The following GRM4 variants were observed in gnomAD, a reference collection of about 807,000 sequenced individuals.
The protein encoded by GRM4 is glutamate metabotropic receptor 4, also known as metabotropic glutamate receptor 4.
GRM4 carries 28 observed loss-of-function variants against 81.7 expected under a neutral mutation model. The observed-to-expected ratio is 0.34, with a 90% confidence interval of 0.25 to 0.47. The LOEUF (loss-of-function observed/expected upper bound fraction) is 0.47. Among genes scored for constraint, GRM4 ranks in the 20% least tolerant of loss-of-function variants. The pLI is 1.00. For missense variants in GRM4, 948 were observed against 1,290.0 expected, an observed-to-expected ratio of 0.73 and a Z score of 4.06; for synonymous variants, 488 against 528.8, an observed-to-expected ratio of 0.92 and a Z score of 1.06.
chr6:34,045,993 G>A (rs1265330947), intron 6 of GRM4, among the ~76,000 whole-genome samples: 3 of 152,182 alleles, frequency 2.0e-5, no homozygotes, highest in Admixed American at 2.0e-4. Flanking sequence ...TTACTACGGC[G>A]ACTGCAGCCT....
In GRM4 at chr6:34,040,561, G is replaced by C; in HGVS notation, c.1356C>G (p.Asn452Lys). 1 of 1,613,206 alleles carries C rather than the reference G, an allele frequency of 6.2e-7. No individual in the cohort carries two copies. The highest frequency in any genetic ancestry group is 8.5e-7 in the Non-Finnish European group (1 of 1,179,526). ...DGTQLLKYIRNVNFSGIAGNP... is the reference protein window; with the variant it reads ...DGTQLLKYIRKVNFSGIAGNP... ...CCACACCCCCACCTGAGAAGTTGAC[G>C]TTTCGGATGTACTTAAGCAGCTGGG... The change falls in exon 7 of 11, where the codon AAC becomes AAG. Residue 452 changes from asparagine (N) to lysine (K), a missense_variant. Coordinates refer to ENST00000538487, the MANE Select transcript of GRM4 (RefSeq NM_000841.4).
intron 3 of GRM4, among the ~76,000 whole-genome samples, chr6:34,084,077 G>T (rs774601817): frequency 3.9e-4 from 59 of 152,198 alleles, no homozygotes; most frequent in Non-Finnish European, 3.1e-4. Flanking sequence ...TTCAGGATGG[G>T]TCCAAATTGT....
At chr6:34,098,106 G>A (rs892795672) in intron 2 of GRM4, among the ~76,000 whole-genome samples, 3 of 152,168 alleles carry the variant, frequency 2.0e-5, no homozygotes, top group Admixed American at 6.5e-5. Context: ...TTTCTTCCCC[G>A]TAAAGTCGTC....
At chr6:34,025,491 G>A (rs1027419111) in intron 10 of GRM4, among the ~76,000 whole-genome samples, 26 of 152,290 alleles carry the variant, frequency 1.7e-4, no homozygotes, top group African/African-American at 6.0e-4. Flanking sequence ...TAGAGAAAGT[G>A]TAGAGAGGAA....
chr6:34,029,510 G>A (rs147223109), intron 9 of GRM4, among the ~76,000 whole-genome samples: 1,700 of 152,266 alleles, frequency 0.011, 16 homozygotes, highest in East Asian at 0.026. Flanking sequence ...CCGCTCCATA[G>A]ATGCCTCATG....
At chr6:34,026,098 C>T (rs1054720126) in intron 10 of GRM4, among the ~76,000 whole-genome samples, 19 of 152,162 alleles carry the variant, frequency 1.2e-4, no homozygotes, top group African/African-American at 4.6e-4. Flanking sequence ...CTGACAGTCC[C>T]CGTTTGTCAC....
intron 2 of GRM4, among the ~76,000 whole-genome samples, chr6:34,095,477 TCA>T (rs1768471018): frequency 6.6e-6 from 1 of 152,256 alleles, no homozygotes; most frequent in African/African-American, 2.4e-5. Flanking sequence ...CTCCCCGGCC[TCA>T]GTTTCTTCAG....
chr6:34,143,220 G>C (rs749993064), intron 1 of GRM4, among the ~76,000 whole-genome samples: 14 of 152,086 alleles, frequency 9.2e-5, no homozygotes, highest in Admixed American at 3.3e-4. Flanking sequence ...TAAAGACAGC[G>C]GCCACCCAAT....
Position 34,115,365 on chromosome 6 carries a change from G to A in GRM4, c.519+17613C>T, listed in dbSNP as rs143497360. On this transcript the variant is annotated intron_variant, in intron 2 of 10. Transcript: ENST00000538487. The surrounding 1 kb of genome is among the most constrained non-coding windows in gnomAD (Gnocchi z 4.1). ...TGTTAGCGCAGTAGAGAGAGCAACC[G>A]TGTCTCCAGGCTTCAATTAAAATAT... 3.2e-4 allele frequency among the ~76,000 whole-genome samples: 48 copies of A among 152,332 alleles called. No homozygotes were observed. Among genetic ancestry groups the A allele is most frequent in the African/African-American group, 1.0e-3 (42 of 41,570 alleles).
Position 34,135,987 on chromosome 6 carries a change from AG to A in GRM4, c.-363-2129del, listed in dbSNP as rs1156694123. ...GTCGGCTACTAGCCCGTGTGCAGGC[AG>A]GGGGCAGAGATGCTAACTGGCCAGC... On this transcript the variant is annotated intron_variant, in intron 1 of 10. Transcript: ENST00000538487. 7.2e-5 allele frequency among the ~76,000 whole-genome samples: 11 copies of A among 152,304 alleles called. No individual in the cohort carries two copies. In the East Asian group the frequency reaches 2.1e-3, roughly 29 times the overall value.
At chr6:34,082,433 A>G (rs1284644592) in intron 3 of GRM4, among the ~76,000 whole-genome samples, 1 of 152,186 alleles carries the variant, frequency 6.6e-6, no homozygotes, top group Non-Finnish European at 1.5e-5. Flanking sequence ...AAAGTGAGAC[A>G]GGAAAGCCAC....
rs1766671269 is a variant in GRM4, at chr6:34,069,368, C to T, written c.737-7340G>A. On this transcript the variant is annotated intron_variant, in intron 3 of 10. Coordinates refer to ENST00000538487, the MANE Select transcript of GRM4 (RefSeq NM_000841.4). This position sits in a 1 kb window ranked among gnomAD's most constrained non-coding sequence, Gnocchi z 6.4. ...GAAGCCTGAATGTAAATAATGGAGCCCAGGCAGCAGTGTTGTGGCCAGAGG... is the reference window on the plus strand; with the variant it reads ...GAAGCCTGAATGTAAATAATGGAGCTCAGGCAGCAGTGTTGTGGCCAGAGG... 6.6e-6 allele frequency among the ~76,000 whole-genome samples: 1 copy of T among 152,140 alleles called. No individual in the cohort carries two copies. Among genetic ancestry groups the T allele is most frequent in the Admixed American group, 6.5e-5 (1 of 15,274 alleles).
intron 9 of GRM4, among the ~76,000 whole-genome samples, chr6:34,028,756 GGA>G (rs1303877824): frequency 6.6e-6 from 1 of 152,202 alleles, no homozygotes; most frequent in Non-Finnish European, 1.5e-5. Context: ...GTGCGCCTGA[GGA>G]GAGGCTCTCA....
At position 34,035,653 on chromosome 6, in the gene GRM4, G is replaced by T; in HGVS notation, c.2442+15C>A. On this transcript the variant is annotated intron_variant, in intron 9 of 10. Coordinates refer to ENST00000538487, the MANE Select transcript of GRM4 (RefSeq NM_000841.4). The surrounding 1 kb of genome is among the most constrained non-coding windows in gnomAD (Gnocchi z 6.6). The stretch of plus-strand genomic sequence containing the variant: ...CTCACCTACCCACCGTCCACCCCCG[G>T]CCCCCACCACTCACCTTGTCGGCCG... The T allele has an allele frequency of 6.7e-7, 1 of 1,493,978 alleles. No individual in the cohort carries two copies. Among genetic ancestry groups the T allele is most frequent in the Non-Finnish European group, 9.2e-7 (1 of 1,087,638 alleles). The allele number at this position is 1,493,978 out of a possible 1,614,324, so 92.5% of individuals were successfully genotyped here.
chr6:34,022,279 C>G lies in GRM4; in HGVS notation c.*542G>C, dbSNP rs924082956. The G allele has an allele frequency of 6.4e-6, 1 of 156,362 alleles. No individual in the cohort carries two copies. The highest frequency in any genetic ancestry group is 2.4e-5 in the African/African-American group (1 of 41,308). 9.7% of individuals were successfully genotyped at this position (156,362 alleles called of 1,614,324 possible). A position where few individuals can be genotyped will look rare whatever the true frequency, so the allele number is the denominator to read the frequency against. The stretch of plus-strand genomic sequence containing the variant: ...AAGCAGAGGAGAACAGGAAAGAAAA[C>G]GGCAGAAAAGTGACACTGGTGGGAC... On this transcript the variant is annotated 3_prime_UTR_variant, in exon 11 of 11. Coordinates refer to ENST00000538487, the MANE Select transcript of GRM4 (RefSeq NM_000841.4). The surrounding 1 kb of genome is among the most constrained non-coding windows in gnomAD (Gnocchi z 5.6).
upstream of GRM4, among the ~76,000 whole-genome samples, chr6:34,146,884 A>T (rs1770946911): frequency 6.6e-6 from 1 of 152,166 alleles, no homozygotes. Context: ...CATCCCTTGC[A>T]ACTGGACTGC....
At chr6:34,139,081 G>A (rs1392267986) in intron 1 of GRM4, among the ~76,000 whole-genome samples, 2 of 152,254 alleles carry the variant, frequency 1.3e-5, no homozygotes, top group African/African-American at 2.4e-5. Flanking sequence ...AATGGCCACA[G>A]CCGCATGCTA....
chr6:34,120,836 C>T (rs1469719296), intron 2 of GRM4, among the ~76,000 whole-genome samples: 4 of 152,156 alleles, frequency 2.6e-5, no homozygotes, highest in African/African-American at 4.8e-5. Flanking sequence ...CCTTGTGATC[C>T]GCCCACCTCG....
At chr6:34,103,909 G>C in intron 2 of GRM4, 3 of 1,335,110 alleles carry the variant, frequency 2.2e-6, no homozygotes, top group East Asian at 3.0e-5. Flanking sequence ...GGGAGGAATT[G>C]GCCCAGATGT....
Sources: allele counts gnomAD v4.1 joint callset (sites outside exome capture counted in the v4.1 genomes callset), GRCh38; gene constraint gnomAD v4.1.1; non-coding constraint Gnocchi (gnomAD v3.1); transcripts MANE v1.5; gene names NCBI Gene and HGNC (gene_info 2026-07-23, HGNC 2026-07-21).